TMEM232: variants seen among roughly 807,000 people sequenced by gnomAD.
TMEM232 encodes the protein transmembrane protein 232.
In TMEM232, 80 loss-of-function variants were observed where a neutral mutation model predicts 78.8. The ratio of observed to expected loss-of-function variants is 1.01; its 90% CI spans 0.85 to 1.22. The LOEUF (loss-of-function observed/expected upper bound fraction) is 1.22, where lower values mean the gene tolerates loss of function less well. TMEM232 is among the 50% of genes most tolerant of loss of function. The pLI, the probability that TMEM232 is intolerant of heterozygous loss-of-function variation, is 0.00. For missense variants in TMEM232, 881 were observed against 742.2 expected (o/e 1.19, Z -2.17); for synonymous variants, 297 against 254.3 (o/e 1.17, Z -1.60).
At chr5:110,671,798 G>A (rs1019314964) in intron 1 of TMEM232, among the ~76,000 whole-genome samples, 6 of 152,128 alleles carry the variant, frequency 3.9e-5, no homozygotes, top group African/African-American at 1.4e-4. Flanking sequence ...TAATGTAGAT[G>A]ATGGGTTGAT....
At chr5:110,512,434 TC>T (rs1767916376) in intron 12 of TMEM232, among the ~76,000 whole-genome samples, 1 of 152,162 alleles carries the variant, frequency 6.6e-6, no homozygotes, top group Non-Finnish European at 1.5e-5. Flanking sequence ...TTCTTTATAT[TC>T]CCAGAGCCTA....
At chr5:110,701,714 A>G (rs955660683) in intron 1 of TMEM232, among the ~76,000 whole-genome samples, 1 of 152,006 alleles carries the variant, frequency 6.6e-6, no homozygotes, top group African/African-American at 2.4e-5. Context: ...GTTATACCAA[A>G]AGTCCAACTT....
intron 2 of TMEM232, among the ~76,000 whole-genome samples, chr5:110,647,888 ATTTTGG>A (rs1787732870): frequency 6.6e-6 from 1 of 151,992 alleles, no homozygotes. Flanking sequence ...ATAGTTAAAT[ATTTTGG>A]TTACCACCTC....
rs561127439 is a variant in TMEM232, at chr5:110,721,917, G to C, written c.-13+4710C>G. Among the ~76,000 whole-genome samples, 8 of 151,792 alleles carry C rather than the reference G, an allele frequency of 5.3e-5. No homozygotes were observed. In the South Asian group the frequency reaches 1.7e-3, roughly 32 times the overall value. ...AGCAGAAGCACATCCATGCATTTAT[G>C]TTGCCTAGCAGGTGGCACTGCCCCT... is the stretch of plus-strand genomic sequence containing the variant. On this transcript the variant is annotated intron_variant, in intron 1 of 13. Transcript: ENST00000455884.
chr5:110,696,499 A>G (rs959446384), intron 1 of TMEM232, among the ~76,000 whole-genome samples: 1 of 152,066 alleles, frequency 6.6e-6, no homozygotes, highest in South Asian at 2.1e-4. Context: ...ATTAGGAAAA[A>G]AGGAAGTCAA....
At chr5:110,694,586 C>T (rs1794537580) in intron 1 of TMEM232, among the ~76,000 whole-genome samples, 1 of 152,002 alleles carries the variant, frequency 6.6e-6, no homozygotes, top group Non-Finnish European at 1.5e-5. Flanking sequence ...TACACATAGG[C>T]TCAAAATAAA....
chr5:110,594,599 G>A (rs1372888425), intron 10 of TMEM232, among the ~76,000 whole-genome samples: 1 of 152,142 alleles, frequency 6.6e-6, no homozygotes, highest in South Asian at 2.1e-4. Flanking sequence ...AAGGCAGCCT[G>A]GGAGGATCGA....
At chr5:110,616,807 G>A (rs1398807175) in intron 8 of TMEM232, among the ~76,000 whole-genome samples, 3 of 152,056 alleles carry the variant, frequency 2.0e-5, no homozygotes, top group Non-Finnish European at 2.9e-5. Flanking sequence ...AAAGATAACA[G>A]ATGTTGATGA....
intron 1 of TMEM232, among the ~76,000 whole-genome samples, chr5:110,709,507 C>CA (rs943371322): frequency 2.8e-4 from 42 of 151,464 alleles, no homozygotes; most frequent in Non-Finnish European, 4.1e-4. Context: ...CCAAAAAATT[C>CA]AAAAAAAATG....
intron 10 of TMEM232, among the ~76,000 whole-genome samples, chr5:110,573,746 T>A (rs1050081450): frequency 6.6e-6 from 1 of 152,030 alleles, no homozygotes; most frequent in Admixed American, 6.6e-5. Context: ...CAAGCTAAGA[T>A]CTAGCTGATG....
chr5:110,395,584 A>T (rs183137305), intron 3 of TMEM232, among the ~76,000 whole-genome samples: 1 of 152,160 alleles, frequency 6.6e-6, no homozygotes, highest in Non-Finnish European at 1.5e-5. Context: ...AAAACTTACA[A>T]ATTTTCAGAT....
chr5:110,630,543 T>C (rs2149966855), intron 5 of TMEM232, among the ~76,000 whole-genome samples: 1 of 152,232 alleles, frequency 6.6e-6, no homozygotes, highest in Non-Finnish European at 1.5e-5. Flanking sequence ...TGGTTGTATG[T>C]TGTGTGCGGC....
intron 11 of TMEM232, among the ~76,000 whole-genome samples, chr5:110,543,890 TTCTTC>T (rs1489141005): frequency 2.6e-5 from 4 of 152,200 alleles, no homozygotes; most frequent in African/African-American, 9.6e-5. Context: ...GTTATCTTCC[TTCTTC>T]TCTTAAAGCC....
At chr5:110,692,477 G>A (rs1325624845) in intron 1 of TMEM232, among the ~76,000 whole-genome samples, 4 of 152,204 alleles carry the variant, frequency 2.6e-5, no homozygotes, top group South Asian at 2.1e-4. Flanking sequence ...GCAGCACACC[G>A]TGTGTGAGCT....
intron 12 of TMEM232, among the ~76,000 whole-genome samples, chr5:110,525,493 A>G (rs1238383654): frequency 2.0e-5 from 3 of 151,988 alleles, no homozygotes; most frequent in East Asian, 3.8e-4. Context: ...CATAAGAAAA[A>G]TGCAAGGCAT....
intron 7 of TMEM232, among the ~76,000 whole-genome samples, chr5:110,619,949 A>G (rs1783424463): frequency 6.6e-6 from 1 of 152,132 alleles, no homozygotes; most frequent in East Asian, 1.9e-4. Context: ...AAGAATAAAA[A>G]AAAACTTCGG....
At chr5:110,710,547 T>C (rs1470158639) in intron 1 of TMEM232, among the ~76,000 whole-genome samples, 3 of 152,164 alleles carry the variant, frequency 2.0e-5, no homozygotes, top group African/African-American at 7.2e-5. Context: ...TTATTCATCA[T>C]GACGAAGAGA....
chr5:110,698,925 A>G (rs1385680267), intron 1 of TMEM232, among the ~76,000 whole-genome samples: 2 of 152,064 alleles, frequency 1.3e-5, no homozygotes, highest in Non-Finnish European at 2.9e-5. Context: ...CTCCAAAGTT[A>G]TGAGACATTT....
At chr5:110,460,570 AG>A (rs1580772271) in intron 12 of TMEM232, among the ~76,000 whole-genome samples, 1 of 152,144 alleles carries the variant, frequency 6.6e-6, no homozygotes, top group East Asian at 1.9e-4. Context: ...ATTGCCTTTA[AG>A]TATAATTTGC....
Sources: allele counts gnomAD v4.1 joint callset (sites outside exome capture counted in the v4.1 genomes callset), GRCh38; gene constraint gnomAD v4.1.1; transcripts MANE v1.5; gene names NCBI Gene and HGNC (gene_info 2026-07-23, HGNC 2026-07-21).